Variants in ERBB4 observed in about 807,000 individuals in gnomAD.
The protein encoded by ERBB4 is erb-b2 receptor tyrosine kinase 4.
A neutral mutation model predicts 158.0 loss-of-function variants in ERBB4; 42 were observed. That is an observed-to-expected ratio of 0.27 (90% CI 0.21 to 0.34). The LOEUF (loss-of-function observed/expected upper bound fraction) is 0.34, where lower values mean the gene tolerates loss of function less well. ERBB4 is among the 10% of genes least tolerant of loss of function. ERBB4 has a pLI of 1.00. For missense variants in ERBB4, 1,333 were observed against 1,624.1 expected (o/e 0.82, Z 3.08); for synonymous variants, 583 against 558.7 (o/e 1.04, Z -0.61).
chr2:212,144,231 C>T (rs530073726), intron 1 of ERBB4, among the ~76,000 whole-genome samples: 13 of 152,066 alleles, frequency 8.5e-5, no homozygotes, highest in East Asian at 1.9e-4. Context: ...CATTAATACA[C>T]GTATGACCCT....
intron 1 of ERBB4, among the ~76,000 whole-genome samples, chr2:212,205,759 T>C (rs547743045): frequency 1.5e-4 from 23 of 152,258 alleles, no homozygotes; most frequent in Non-Finnish European, 2.9e-4. Flanking sequence ...AGGTAAATCA[T>C]AGAGAGAAAA....
At chr2:212,049,011 G>A (rs2077330987) in intron 2 of ERBB4, among the ~76,000 whole-genome samples, 2 of 152,182 alleles carry the variant, frequency 1.3e-5, no homozygotes, top group African/African-American at 4.8e-5. Context: ...AGCCTGGTAA[G>A]GCTCTAAGCA....
At chr2:212,123,032 T>C (rs962642713) in intron 2 of ERBB4, among the ~76,000 whole-genome samples, 4 of 152,226 alleles carry the variant, frequency 2.6e-5, no homozygotes, top group Non-Finnish European at 5.9e-5. Context: ...TTCTATAAAG[T>C]CATTGAGTTT....
intron 1 of ERBB4, among the ~76,000 whole-genome samples, chr2:212,500,162 T>A (rs1357365162): frequency 6.6e-6 from 1 of 152,140 alleles, no homozygotes; most frequent in African/African-American, 2.4e-5. Flanking sequence ...GGATATAGAC[T>A]GCCTCAGGTA....
chr2:211,545,626 G>T (rs1462274247), intron 20 of ERBB4, among the ~76,000 whole-genome samples: 1 of 151,956 alleles, frequency 6.6e-6, no homozygotes, highest in Non-Finnish European at 1.5e-5. Flanking sequence ...AAAATCCATG[G>T]CTTAAAGCTT....
At chr2:211,976,627 G>A (rs2081613815) in intron 2 of ERBB4, among the ~76,000 whole-genome samples, 1 of 151,912 alleles carries the variant, frequency 6.6e-6, no homozygotes, top group African/African-American at 2.4e-5. Context: ...TATGATTCAT[G>A]CCCTGCTATT....
chr2:212,124,202 A>C (rs758410191), intron 2 of ERBB4, among the ~76,000 whole-genome samples: 2 of 152,218 alleles, frequency 1.3e-5, no homozygotes, highest in Admixed American at 1.3e-4. Context: ...GTATACATAT[A>C]CACATTTGTG....
At chr2:212,169,360 AC>A (rs1241397030) in intron 1 of ERBB4, among the ~76,000 whole-genome samples, 7 of 152,130 alleles carry the variant, frequency 4.6e-5, no homozygotes, top group Non-Finnish European at 1.0e-4. Flanking sequence ...TTATACATAC[AC>A]TTACAACCAT....
intron 1 of ERBB4, among the ~76,000 whole-genome samples, chr2:212,265,337 CAAG>C (rs1016124590): frequency 5.3e-5 from 8 of 151,998 alleles, no homozygotes; most frequent in African/African-American, 1.7e-4. Flanking sequence ...AAGCTTTCAT[CAAG>C]AAGGTGAATT....
At chr2:212,111,844 T>C (rs1038381889) in intron 2 of ERBB4, among the ~76,000 whole-genome samples, 8 of 151,374 alleles carry the variant, frequency 5.3e-5, no homozygotes, top group African/African-American at 1.9e-4. Flanking sequence ...TCTGGGAATG[T>C]CTGTGGCATT....
chr2:211,492,189 T>G, intron 20 of ERBB4, among the ~76,000 whole-genome samples: 1 of 152,132 alleles, frequency 6.6e-6, no homozygotes, highest in East Asian at 1.9e-4. Flanking sequence ...ACAAAAGTAG[T>G]TTCAGTGAAA....
chr2:211,965,580 T>A (rs1273401583), intron 2 of ERBB4, among the ~76,000 whole-genome samples: 1 of 152,108 alleles, frequency 6.6e-6, no homozygotes, highest in African/African-American at 2.4e-5. Flanking sequence ...ATATACACAA[T>A]TTTTTTATGT....
chr2:212,523,174 C>T (rs183977612), intron 1 of ERBB4, among the ~76,000 whole-genome samples: 9 of 151,898 alleles, frequency 5.9e-5, no homozygotes, highest in South Asian at 2.1e-4. Flanking sequence ...TTTGTAATTA[C>T]GCCAGGCATG....
chr2:211,966,187 T>G (rs977533837), intron 2 of ERBB4, among the ~76,000 whole-genome samples: 1 of 152,152 alleles, frequency 6.6e-6, no homozygotes, highest in Admixed American at 6.5e-5. Context: ...GCACTCCAGC[T>G]TGGGCAACAG....
intron 3 of ERBB4, among the ~76,000 whole-genome samples, chr2:211,826,200 C>G (rs567117347): frequency 6.6e-6 from 1 of 151,494 alleles, no homozygotes; most frequent in East Asian, 1.9e-4. Context: ...GAGAATTGCA[C>G]AAAATTAGTA....
chr2:211,500,669 G>T lies in ERBB4; in HGVS notation c.2487+61234C>A, dbSNP rs1342542895. Among the ~76,000 whole-genome samples the T allele has an allele frequency of 2.0e-5, 3 of 152,086 alleles. No individual in the cohort carries two copies. The East Asian group carries it at 5.8e-4, about 29-fold the overall frequency. On this transcript the variant is annotated intron_variant, in intron 20 of 27. Transcript: ENST00000342788. ...GTCACAGTTGTTGAGAATAAGAAAAGATCTTTTTTCTTTTAATATTCTATA... is the reference window on the plus strand; with the variant it reads ...GTCACAGTTGTTGAGAATAAGAAAATATCTTTTTTCTTTTAATATTCTATA...
chr2:212,105,620 A>C (rs1250554405), intron 2 of ERBB4, among the ~76,000 whole-genome samples: 1 of 152,238 alleles, frequency 6.6e-6, no homozygotes, highest in Non-Finnish European at 1.5e-5. Context: ...GTTTCAATAA[A>C]ATTTAAAATA....
chr2:212,090,841 C>G lies in ERBB4; in HGVS notation c.234+33911G>C, dbSNP rs184899529. 2.6e-3 allele frequency among the ~76,000 whole-genome samples: 390 copies of G among 152,190 alleles called. 2 individuals are homozygous for G. The highest frequency in any genetic ancestry group is 9.0e-3 in the African/African-American group (374 of 41,526). The stretch of plus-strand genomic sequence containing the variant: ...TAATTCTTGGGTTTTTGTTTCTTTC[C>G]TCTCTTCATGTCCACTATCTTTAGT... On this transcript the variant is annotated intron_variant, in intron 2 of 27. Coordinates refer to ENST00000342788, the MANE Select transcript of ERBB4 (RefSeq NM_005235.3).
At chr2:212,236,215 T>G (rs932687638) in intron 1 of ERBB4, among the ~76,000 whole-genome samples, 3 of 152,332 alleles carry the variant, frequency 2.0e-5, no homozygotes, top group Middle Eastern at 3.4e-3. Context: ...CTGCATCTAC[T>G]GCAATAATCA....
Sources: allele counts gnomAD v4.1 joint callset (sites outside exome capture counted in the v4.1 genomes callset), GRCh38; gene constraint gnomAD v4.1.1; transcripts MANE v1.5; gene names NCBI Gene and HGNC (gene_info 2026-07-23, HGNC 2026-07-21).